GPHN: variants seen among roughly 807,000 people sequenced by gnomAD.
GPHN encodes gephyrin.
A neutral mutation model predicts 95.5 loss-of-function variants in GPHN; 17 were observed. That is an observed-to-expected ratio of 0.18 (90% CI 0.12 to 0.27). The LOEUF (loss-of-function observed/expected upper bound fraction) is 0.27. Ranked by LOEUF, GPHN falls within the 10% of genes least tolerant of loss-of-function variation. GPHN has a pLI of 1.00. For missense variants in GPHN, 660 were observed against 978.1 expected, an observed-to-expected ratio of 0.67 and a Z score of 4.34; for synonymous variants, 320 against 322.5, an observed-to-expected ratio of 0.99 and a Z score of 0.08.
At chr14:67,263,806 TCTA>T in the GPHN span, among the ~76,000 whole-genome samples, 2 of 151,886 alleles carry the variant, frequency 1.3e-5, no homozygotes, top group African/African-American at 4.8e-5. Context: ...TGCTTTTACT[TCTA>T]CTGTGACCTC....
In GPHN at chr14:66,508,401, C is replaced by T; in HGVS notation, c.-127C>T. On this transcript the variant is annotated 5_prime_UTR_variant, in exon 1 of 23. Coordinates refer to ENST00000478722, the MANE Select transcript of GPHN (RefSeq NM_020806.5). Reference sequence around the variant, plus strand: ...CACTCTGTGGCCTCCCCCTCCTTCCCCGCTCTCCTCGCGCTTCTCTGGCTC... The same window carrying T: ...CACTCTGTGGCCTCCCCCTCCTTCCTCGCTCTCCTCGCGCTTCTCTGGCTC... 1.2e-6 allele frequency: 1 copy of T among 867,492 alleles called. No homozygotes were observed. The highest frequency in any genetic ancestry group is 2.0e-6 in the Non-Finnish European group (1 of 505,948). 53.7% of individuals were successfully genotyped at this position (867,492 alleles called of 1,614,324 possible).
chr14:66,673,618 C>A (rs1310767199), intron 1 of GPHN, among the ~76,000 whole-genome samples: 1 of 152,128 alleles, frequency 6.6e-6, no homozygotes, highest in African/African-American at 2.4e-5. Flanking sequence ...TTATTTTGAA[C>A]AAACTATTAT....
intron 1 of GPHN, among the ~76,000 whole-genome samples, chr14:66,538,904 G>C (rs1304681016): frequency 6.6e-6 from 1 of 151,916 alleles, no homozygotes; most frequent in Non-Finnish European, 1.5e-5. Context: ...TTATGTAGAG[G>C]CTGAAGGTGA....
At chr14:66,668,417 G>T (rs1341051116) in intron 1 of GPHN, among the ~76,000 whole-genome samples, 1 of 152,174 alleles carries the variant, frequency 6.6e-6, no homozygotes, top group Non-Finnish European at 1.5e-5. Context: ...ATAAAGAAAT[G>T]TGGTACACAT....
chr14:67,208,665 C>T, the GPHN span, among the ~76,000 whole-genome samples: 1 of 152,128 alleles, frequency 6.6e-6, no homozygotes, highest in South Asian at 2.1e-4. Flanking sequence ...CGTTACTCAG[C>T]TGGCATTCTG....
chr14:67,438,442 G>C, the GPHN span, among the ~76,000 whole-genome samples: 2 of 152,148 alleles, frequency 1.3e-5, no homozygotes, highest in Non-Finnish European at 2.9e-5. Flanking sequence ...TTTGGAGTCA[G>C]GAAGATCTCA....
At chr14:67,725,560 T>A in the GPHN span, among the ~76,000 whole-genome samples, 1 of 152,172 alleles carries the variant, frequency 6.6e-6, no homozygotes, top group African/African-American at 2.4e-5. Context: ...AGAATCAACC[T>A]TGTGTGGCCA....
rs866133890 is a variant in GPHN, at chr14:66,638,582, G to T, written c.65-42525G>T. Among the ~76,000 whole-genome samples, 15 of 152,202 alleles carry T rather than the reference G, an allele frequency of 9.9e-5. No homozygotes were observed. The South Asian group carries it at 3.1e-3, about 32-fold the overall frequency. On this transcript the variant is annotated intron_variant, in intron 1 of 22. Transcript: ENST00000478722. ...CTTTATCCTTTAGTTTTATCAAGTTGTCCAAAATATTGCATGATCTTTCAT... is the reference window on the plus strand; with the variant it reads ...CTTTATCCTTTAGTTTTATCAAGTTTTCCAAAATATTGCATGATCTTTCAT...
the GPHN span, among the ~76,000 whole-genome samples, chr14:67,572,880 C>G: frequency 2.6e-5 from 4 of 152,238 alleles, no homozygotes; most frequent in African/African-American, 9.6e-5. Context: ...TGCCCTCTCC[C>G]TGCTCTGTGC....
At chr14:66,851,130 T>C (rs1018892176) in intron 4 of GPHN, among the ~76,000 whole-genome samples, 1 of 151,888 alleles carries the variant, frequency 6.6e-6, no homozygotes, top group African/African-American at 2.4e-5. Flanking sequence ...GTTGTTGTTT[T>C]TATTCCTTAC....
intron 10 of GPHN, among the ~76,000 whole-genome samples, chr14:67,046,944 A>T (rs2075048353): frequency 6.6e-6 from 1 of 152,152 alleles, no homozygotes; most frequent in Non-Finnish European, 1.5e-5. Flanking sequence ...CTAACTATTT[A>T]AGCTGACCAT....
the GPHN span, among the ~76,000 whole-genome samples, chr14:67,596,419 G>A: frequency 6.7e-6 from 1 of 148,710 alleles, no homozygotes; most frequent in Non-Finnish European, 1.5e-5. Context: ...GGGATTCCAG[G>A]TGTGAGCCAC....
At chr14:66,808,521 C>A (rs932426405) in intron 3 of GPHN, among the ~76,000 whole-genome samples, 1 of 152,174 alleles carries the variant, frequency 6.6e-6, no homozygotes, top group Admixed American at 6.5e-5. Context: ...ATATTTTAGA[C>A]CAGGCGCGGT....
At chr14:67,291,660 A>G in the GPHN span, among the ~76,000 whole-genome samples, 3 of 152,234 alleles carry the variant, frequency 2.0e-5, no homozygotes, top group African/African-American at 7.2e-5. Flanking sequence ...TAACAGGCAG[A>G]CACAATGCAC....
intron 1 of GPHN, among the ~76,000 whole-genome samples, chr14:66,522,747 C>T (rs1384439403): frequency 6.6e-6 from 1 of 151,698 alleles, no homozygotes; most frequent in Non-Finnish European, 1.5e-5. Flanking sequence ...CCTGGATTTA[C>T]CTTTAAAATA....
intron 9 of GPHN, among the ~76,000 whole-genome samples, chr14:67,014,273 A>G (rs934523272): frequency 6.6e-5 from 10 of 152,098 alleles, no homozygotes; most frequent in Non-Finnish European, 1.2e-4. Context: ...ATGTATTCTT[A>G]TTTTCTTTAC....
intron 2 of GPHN, among the ~76,000 whole-genome samples, chr14:66,753,547 C>A (rs1276756581): frequency 6.6e-6 from 1 of 151,750 alleles, no homozygotes; most frequent in Admixed American, 6.6e-5. Context: ...ATATTCTATT[C>A]TATTTTCACA....
the GPHN span, among the ~76,000 whole-genome samples, chr14:67,205,771 A>C: frequency 2.6e-5 from 4 of 152,354 alleles, no homozygotes; most frequent in Non-Finnish European, 5.9e-5. Flanking sequence ...TAGTGACCGA[A>C]GTCTCCTGTG....
At chr14:66,935,952 T>C (rs934240790) in intron 8 of GPHN, among the ~76,000 whole-genome samples, 1 of 152,180 alleles carries the variant, frequency 6.6e-6, no homozygotes, top group Admixed American at 6.5e-5. Flanking sequence ...GTGGCTGAAC[T>C]GGTATTCAAG....
Sources: allele counts gnomAD v4.1 joint callset (sites outside exome capture counted in the v4.1 genomes callset), GRCh38; gene constraint gnomAD v4.1.1; transcripts MANE v1.5; gene names NCBI Gene and HGNC (gene_info 2026-07-23, HGNC 2026-07-21).